Variants in ILKAP observed in about 807,000 individuals in gnomAD.
ILKAP encodes integrin-linked kinase-associated serine/threonine phosphatase 2C.
A neutral mutation model predicts 49.1 loss-of-function variants in ILKAP; 11 were observed. The ratio of observed to expected loss-of-function variants is 0.22; its 90% confidence interval spans 0.14 to 0.37. The LOEUF (loss-of-function observed/expected upper bound fraction) is 0.37. Among genes scored for constraint, ILKAP ranks in the 10% least tolerant of loss-of-function variants. The pLI, the probability that ILKAP is intolerant of heterozygous loss-of-function variation, is 1.00. For synonymous variants in ILKAP, 186 were observed against 192.8 expected, an observed-to-expected ratio of 0.96 and a Z score of 0.29; for missense variants, 363 against 510.8, an observed-to-expected ratio of 0.71 and a Z score of 2.79.
rs960796024 is a variant in ILKAP at position 238,189,706 on chromosome 2, G to A, written c.298+147C>T. On this transcript the variant is annotated intron_variant, in intron 4 of 11. Transcript: ENST00000254654. ...AGTAGGAGAAAGCACAGAGAAACTT[G>A]GAAATTCATTTGCAAAAAGGGAACC... 7.9e-6 allele frequency: 5 copies of A among 630,060 alleles called. No individual in the cohort carries two copies. The Admixed American group carries it at 1.2e-4, about 16-fold the overall frequency. The allele number at this position is 630,060 out of a possible 1,614,324, so 39.0% of individuals were successfully genotyped here. A position where few individuals can be genotyped will look rare whatever the true frequency, so the allele number is the denominator to read the frequency against.
intron 9 of ILKAP, 149 bp downstream of exon 9, chr2:238,181,915 TC>T: frequency 1.3e-6 from 1 of 786,914 alleles, no homozygotes; most frequent in East Asian, 2.6e-5. Context: ...ACAACTGTCA[TC>T]CACCTATGTC....
intron 9 of ILKAP, among the ~76,000 whole-genome samples, chr2:238,176,835 T>C (rs72989080): frequency 0.021 from 3,271 of 152,328 alleles, 37 homozygotes; most frequent in South Asian, 0.061. Flanking sequence ...CAAGTGATGT[T>C]TGCAAAGTTA....
At chr2:238,187,299 A>G (rs185812963) in intron 5 of ILKAP, among the ~76,000 whole-genome samples, 30 of 152,322 alleles carry the variant, frequency 2.0e-4, no homozygotes, top group Admixed American at 1.8e-3. Context: ...GCTGCTCTGC[A>G]GCAGCCATCA....
intron 9 of ILKAP, among the ~76,000 whole-genome samples, chr2:238,180,942 A>C (rs991562333): frequency 6.6e-6 from 1 of 152,256 alleles, no homozygotes; most frequent in South Asian, 2.1e-4. Flanking sequence ...GACTGTCCAC[A>C]GTAGTTACCA....
chr2:238,177,724 A>G (rs1030832719), intron 9 of ILKAP, among the ~76,000 whole-genome samples: 36 of 152,170 alleles, frequency 2.4e-4, no homozygotes, highest in African/African-American at 8.7e-4. Flanking sequence ...TCATCTGTCA[A>G]TGAACATTTG....
At chr2:238,170,724 G>GT in intron 11 of ILKAP, 48 bp from the exon 12 acceptor site, 1 of 1,600,884 alleles carries the variant, frequency 6.2e-7, no homozygotes, top group Non-Finnish European at 8.5e-7. Context: ...CCCGCACCCT[G>GT]TCACTTTCCT....
At position 238,182,051 on chromosome 2, in the gene ILKAP, A is replaced by G; in HGVS notation, c.836+14T>C. On this transcript the variant is annotated intron_variant, in intron 9 of 11. Coordinates refer to ENST00000254654, the MANE Select transcript of ILKAP (RefSeq NM_030768.3). ...GCCCTCCTTCCCATGAGCTCCTCTC[A>G]GTCCCTTGGTTACCTGACGTTTCCT... is the stretch of plus-strand genomic sequence containing the variant. The G allele has an allele frequency of 1.2e-6, 2 of 1,612,598 alleles. No individual in the cohort carries two copies. Among genetic ancestry groups the G allele is most frequent in the Non-Finnish European group, 1.7e-6 (2 of 1,178,932 alleles).
intron 10 of ILKAP, 37 bp from the exon 11 acceptor site, chr2:238,171,061 C>T: frequency 2.8e-6 from 4 of 1,434,388 alleles, no homozygotes; most frequent in African/African-American, 1.4e-5. Context: ...GGGTTTTAGG[C>T]CCAACCAAAA....
chr2:238,189,044 C>G (rs963451941), intron 4 of ILKAP, among the ~76,000 whole-genome samples: 1 of 151,772 alleles, frequency 6.6e-6, no homozygotes, highest in African/African-American at 2.4e-5. Flanking sequence ...TCGGGCCAGG[C>G]ACGGTTGCTC....
At chr2:238,190,067 G>T in intron 3 of ILKAP, 95 bp from the exon 4 acceptor site, 2 of 1,379,770 alleles carry the variant, frequency 1.4e-6, no homozygotes, top group South Asian at 2.8e-5. Context: ...TCAAAGACAA[G>T]GTCATTTGAA....
At chr2:238,179,984 C>T (rs1156654915) in intron 9 of ILKAP, among the ~76,000 whole-genome samples, 1 of 151,928 alleles carries the variant, frequency 6.6e-6, no homozygotes, top group Non-Finnish European at 1.5e-5. Context: ...GCCTGGAAAA[C>T]ACAGACAGAG....
At chr2:238,194,933 G>A (rs35393292) in intron 1 of ILKAP, 63 bp from the exon 2 acceptor site, 432,571 of 1,348,344 alleles carry the variant, frequency 0.32, 72,473 homozygotes, top group South Asian at 0.38. Context: ...TTTTCAAAGA[G>A]GAAGATCATG....
intron 1 of ILKAP, among the ~76,000 whole-genome samples, chr2:238,201,838 C>T (rs1694582674): frequency 6.6e-6 from 1 of 152,120 alleles, no homozygotes; most frequent in African/African-American, 2.4e-5. Context: ...CAATTTTTAC[C>T]CACAGCTAAA....
chr2:238,196,862 A>G (rs1371802612), intron 1 of ILKAP, among the ~76,000 whole-genome samples: 5 of 152,238 alleles, frequency 3.3e-5, no homozygotes, highest in Non-Finnish European at 5.9e-5. Flanking sequence ...CAAGTGACAT[A>G]AAGACTCTAT....
At chr2:238,202,961 C>T (rs908522725) in intron 1 of ILKAP, among the ~76,000 whole-genome samples, 5 of 151,890 alleles carry the variant, frequency 3.3e-5, no homozygotes, top group African/African-American at 9.6e-5. Flanking sequence ...GTCTTCCAGG[C>T]TTCAAAAACA....
intron 8 of ILKAP, among the ~76,000 whole-genome samples, chr2:238,182,975 G>A (rs1180868453): frequency 6.6e-6 from 1 of 152,156 alleles, no homozygotes; most frequent in African/African-American, 2.4e-5. Context: ...GCTTAAGTGT[G>A]GACAGTCACT....
At chr2:238,201,114 T>C (rs1213413620) in intron 1 of ILKAP, among the ~76,000 whole-genome samples, 1 of 152,252 alleles carries the variant, frequency 6.6e-6, no homozygotes, top group Non-Finnish European at 1.5e-5. Flanking sequence ...TGTGTGAGGG[T>C]CATGATGCAC....
chr2:238,177,477 C>T (rs1693510642), intron 9 of ILKAP, among the ~76,000 whole-genome samples: 1 of 152,168 alleles, frequency 6.6e-6, no homozygotes. Context: ...ACTAACCCCA[C>T]GATTCATTCC....
intron 6 of ILKAP, among the ~76,000 whole-genome samples, chr2:238,184,342 A>AC (rs1208322512): frequency 6.6e-6 from 1 of 152,114 alleles, no homozygotes; most frequent in Non-Finnish European, 1.5e-5. Context: ...GGCGCGCGCA[A>AC]CCATGCCAGG....
Sources: gnomAD v4.1 joint callset for allele counts (sites outside exome capture counted in the v4.1 genomes callset) on GRCh38, gnomAD v4.1.1 for gene constraint, MANE v1.5 for transcripts, NCBI Gene and HGNC (gene_info 2026-07-23, HGNC 2026-07-21) for gene names.